Variants in IPO11 observed in about 807,000 individuals in gnomAD.
The protein encoded by IPO11 is importin-11.
A neutral mutation model predicts 143.2 loss-of-function variants in IPO11; 66 were observed. That is an observed-to-expected ratio of 0.46 (90% CI 0.38 to 0.57). The LOEUF is 0.57. Among genes scored for constraint, IPO11 ranks in the 20% least tolerant of loss-of-function variants. The pLI is 0.00. For missense variants in IPO11, 1,026 were observed against 1,141.0 expected (o/e 0.90, Z 1.45); for synonymous variants, 385 against 377.8 (o/e 1.02, Z -0.22).
chr5:62,569,245 C>G lies in IPO11; in HGVS notation c.2582+7988C>G, dbSNP rs560600197. On this transcript the variant is annotated intron_variant, in intron 27 of 29. Transcript: ENST00000325324. Reference sequence around the variant, plus strand: ...AGCTTCTGTCTCTGCCCTTTACTGCCTGGATTTGGGATAGGAATGGTATAG... The same window carrying G: ...AGCTTCTGTCTCTGCCCTTTACTGCGTGGATTTGGGATAGGAATGGTATAG... Among the ~76,000 whole-genome samples the G allele has an allele frequency of 2.6e-5, 4 of 152,252 alleles. No individual in the cohort carries two copies. The East Asian group carries it at 7.7e-4, about 29-fold the overall frequency.
At position 62,460,715 on chromosome 5, in the gene IPO11, T is replaced by G. The variant is rs775523563; in HGVS notation, c.517-6416T>G. On this transcript the variant is annotated intron_variant, in intron 5 of 29. Transcript: ENST00000325324. ...CTTCTGGTTTAGAAATAGAAAATGTTAAGTATTTGGGGGTTTCATGAACTA... is the reference window on the plus strand; with the variant it reads ...CTTCTGGTTTAGAAATAGAAAATGTGAAGTATTTGGGGGTTTCATGAACTA... Among the ~76,000 whole-genome samples, 30 of 152,340 alleles carry G rather than the reference T, an allele frequency of 2.0e-4. No homozygotes were observed. The South Asian group carries it at 2.1e-3, about 11-fold the overall frequency.
chr5:62,586,752 C>CAAAAAA (rs763383085), intron 27 of IPO11, among the ~76,000 whole-genome samples: 6 of 60,488 alleles, frequency 9.9e-5, no homozygotes, highest in African/African-American at 4.8e-4. Flanking sequence ...ACTCAGTCTC[C>CAAAAAA]AAAAAAAAAA....
intron 20 of IPO11, among the ~76,000 whole-genome samples, chr5:62,520,634 T>G (rs1462635225): frequency 6.6e-6 from 1 of 152,258 alleles, no homozygotes; most frequent in Non-Finnish European, 1.5e-5. Context: ...TTTGGTTTTC[T>G]GTCCTTGCGA....
At chr5:62,627,071 A>T (rs1242849117) in intron 29 of IPO11, 83 bp from the exon 30 acceptor site, 3 of 1,248,496 alleles carry the variant, frequency 2.4e-6, no homozygotes, top group Non-Finnish European at 3.4e-6. Flanking sequence ...TGTAGAAGAG[A>T]TTACAAAGAA....
At chr5:62,529,253 G>T (rs1211036642) in intron 21 of IPO11, among the ~76,000 whole-genome samples, 1 of 151,976 alleles carries the variant, frequency 6.6e-6, no homozygotes, top group Non-Finnish European at 1.5e-5. Context: ...AGGTAGTAAT[G>T]AATACTGGTA....
intron 5 of IPO11, among the ~76,000 whole-genome samples, chr5:62,454,919 TGAGAGATTAGTCAGAGC>T (rs745983974): frequency 3.3e-5 from 5 of 152,180 alleles, no homozygotes; most frequent in Non-Finnish European, 7.4e-5. Flanking sequence ...GCAGGATTTT[TGAGAGATTAGTCAGAGC>T]TAGAGATACC....
intron 1 of IPO11, among the ~76,000 whole-genome samples, chr5:62,428,577 C>T (rs1478743894): frequency 1.3e-5 from 2 of 151,910 alleles, no homozygotes; most frequent in Admixed American, 1.3e-4. Flanking sequence ...CTCCTGACGT[C>T]GTGATCCACC....
chr5:62,503,409 A>T (rs1231158501), intron 16 of IPO11, among the ~76,000 whole-genome samples: 3 of 148,246 alleles, frequency 2.0e-5, no homozygotes, highest in African/African-American at 7.4e-5. Flanking sequence ...TATTAATAGT[A>T]TCTATTAATA....
Position 62,486,066 on chromosome 5 carries a change from C to T in IPO11, c.1218+604C>T, listed in dbSNP as rs1231230749. ...GTGCATCTCGGCTCACTGCAAGCTC[C>T]GCCCCCTGGGTTCATGCCATTCTCC... On this transcript the variant is annotated intron_variant, in intron 12 of 29. Transcript: ENST00000325324. 4.7e-4 allele frequency among the ~76,000 whole-genome samples: 71 copies of T among 150,902 alleles called. 1 individual carries two copies. The highest frequency in any genetic ancestry group is 8.6e-4 in the Admixed American group (13 of 15,148).
At chr5:62,616,272 T>C (rs977097199) in intron 29 of IPO11, among the ~76,000 whole-genome samples, 1 of 152,158 alleles carries the variant, frequency 6.6e-6, no homozygotes, top group Admixed American at 6.6e-5. Context: ...GAGGAGAAAG[T>C]TGAGATCCCG....
At chr5:62,622,646 C>T (rs1416791168) in intron 29 of IPO11, among the ~76,000 whole-genome samples, 1 of 152,020 alleles carries the variant, frequency 6.6e-6, no homozygotes, top group East Asian at 1.9e-4. Context: ...CAAGTTTACT[C>T]TCAGAGATTT....
At chr5:62,619,770 G>A (rs952489149) in intron 29 of IPO11, among the ~76,000 whole-genome samples, 2 of 151,628 alleles carry the variant, frequency 1.3e-5, no homozygotes, top group South Asian at 2.1e-4. Flanking sequence ...GGAGAATGGC[G>A]TGAACCCAGG....
intron 28 of IPO11, among the ~76,000 whole-genome samples, chr5:62,601,536 C>G (rs1301705483): frequency 1.3e-5 from 2 of 152,018 alleles, no homozygotes; most frequent in Admixed American, 1.3e-4. Context: ...CTGAAATGCC[C>G]AAGTAAAATG....
At chr5:62,465,173 T>G (rs1296348434) in intron 5 of IPO11, among the ~76,000 whole-genome samples, 1 of 152,254 alleles carries the variant, frequency 6.6e-6, no homozygotes, top group Non-Finnish European at 1.5e-5. Context: ...TTCTTACCTC[T>G]TCTGCGTCTA....
intron 26 of IPO11, among the ~76,000 whole-genome samples, chr5:62,554,681 A>T (rs1359666126): frequency 7.7e-6 from 1 of 130,200 alleles, no homozygotes; most frequent in Non-Finnish European, 1.6e-5. Flanking sequence ...TTTGTAGTAT[A>T]TATACTGTAT....
chr5:62,518,853 T>A (rs1742115452), intron 20 of IPO11, among the ~76,000 whole-genome samples: 1 of 152,186 alleles, frequency 6.6e-6, no homozygotes, highest in Non-Finnish European at 1.5e-5. Flanking sequence ...GCTAAACATT[T>A]ATTGAGAACC....
chr5:62,469,855 T>C (rs1045460605), intron 6 of IPO11, among the ~76,000 whole-genome samples: 1 of 152,206 alleles, frequency 6.6e-6, no homozygotes, highest in African/African-American at 2.4e-5. Context: ...AGGAGATAAT[T>C]GTATTTCCAT....
At chr5:62,619,006 G>A (rs564939394) in intron 29 of IPO11, among the ~76,000 whole-genome samples, 33 of 152,198 alleles carry the variant, frequency 2.2e-4, no homozygotes, top group African/African-American at 3.1e-4. Flanking sequence ...TAAGGCAGGT[G>A]GATCACTTGA....
intron 20 of IPO11, among the ~76,000 whole-genome samples, chr5:62,517,882 A>G (rs1580275230): frequency 6.6e-6 from 1 of 152,184 alleles, no homozygotes; most frequent in Admixed American, 6.5e-5. Context: ...GTGTATTTGT[A>G]CCGGCCAAGA....
Sources: gnomAD v4.1 joint callset for allele counts (sites outside exome capture counted in the v4.1 genomes callset) on GRCh38, gnomAD v4.1.1 for gene constraint, MANE v1.5 for transcripts, NCBI Gene and HGNC (gene_info 2026-07-23, HGNC 2026-07-21) for gene names.